The following DENND1C variants were observed in gnomAD, a reference collection of about 807,000 sequenced individuals.
DENND1C encodes the protein DENN domain containing 1C, also known as DENN domain-containing protein 1C.
Under a neutral mutation model 87.9 loss-of-function variants are expected in DENND1C, and 64 were observed. The observed-to-expected ratio is 0.73, with a 90% CI of 0.60 to 0.90. DENND1C has a LOEUF of 0.90. Ranked by LOEUF, DENND1C falls within the 40% of genes least tolerant of loss-of-function variation. The pLI is 0.00. For synonymous variants in DENND1C, 384 were observed against 424.4 expected, an observed-to-expected ratio of 0.90 and a Z score of 1.17; for missense variants, 980 against 1,037.0, an observed-to-expected ratio of 0.95 and a Z score of 0.76.
At chr19:6,479,378 T>C (rs554925562) in intron 4 of DENND1C, among the ~76,000 whole-genome samples, 10 of 136,810 alleles carry the variant, frequency 7.3e-5, no homozygotes, top group African/African-American at 3.2e-4. Context: ...GTCTCTGGGT[T>C]CCGAAGTCCC....
chr19:6,481,316 C>T (rs1457832089), intron 1 of DENND1C, among the ~76,000 whole-genome samples: 1 of 152,080 alleles, frequency 6.6e-6, no homozygotes, highest in East Asian at 1.9e-4. Context: ...CACACACGAT[C>T]ACCCACTCAT....
rs578176027 is a variant in DENND1C, at chr19:6,476,641, G to A, written c.678+216C>T. ...GCGGCCCATAGTGGGTGGAGCCTGA[G>A]CACAGTACTCCCAAAAAGGAGGAGC... On this transcript the variant is annotated intron_variant, in intron 10 of 22. Coordinates refer to ENST00000381480, the MANE Select transcript of DENND1C (RefSeq NM_024898.4). The A allele has an allele frequency of 1.3e-3, 740 of 564,854 alleles. 1 individual carries two copies. The highest frequency in any genetic ancestry group is 1.7e-3 in the Non-Finnish European group (556 of 319,476). 35.0% of individuals were successfully genotyped at this position (564,854 alleles called of 1,614,324 possible).
intron 18 of DENND1C, chr19:6,469,903 C>G (rs535995130): frequency 5.8e-6 from 3 of 515,382 alleles, no homozygotes; most frequent in Non-Finnish European, 1.0e-5. Flanking sequence ...TGTTTCAAAG[C>G]GGTGAAGAAC....
rs143124341 is a variant in DENND1C, at chr19:6,479,974, G to T, written c.82+13C>A. 13,756 of 1,604,634 alleles carry T rather than the reference G, an allele frequency of 8.6e-3. 60 individuals carry two copies. Among genetic ancestry groups the T allele is most frequent in the Non-Finnish European group, 0.01 (12,290 of 1,175,978 alleles). ...TCCCCTCCCACTCCCTCACTCCCAG[G>T]CTCCCAACTCACCCTCCTGCAGGGA... On this transcript the variant is annotated intron_variant, in intron 2 of 22. Transcript: ENST00000381480.
At chr19:6,479,120 C>T (rs1384815856) in intron 4 of DENND1C, 64 bp from the exon 5 acceptor site, 37 of 1,601,258 alleles carry the variant, frequency 2.3e-5, no homozygotes, top group Non-Finnish European at 1.8e-5. Context: ...GTCCCCGCTC[C>T]CCAACAAAGC....
chr19:6,471,308 G>T lies in DENND1C; in HGVS notation c.1250-3C>A. 6.3e-7 allele frequency: 1 copy of T among 1,597,832 alleles called. No homozygotes were observed. Among genetic ancestry groups the T allele is most frequent in the East Asian group, 2.3e-5 (1 of 44,214 alleles). ...GAGCTGATAGGATCGAAGGGCCCCT[G>T]GGGTAAGGAGAGAGTGTGGTGGTCA... On this transcript the variant is annotated splice_region_variant and splice_polypyrimidine_tract_variant and intron_variant, in intron 16 of 22. Coordinates refer to ENST00000381480, the MANE Select transcript of DENND1C (RefSeq NM_024898.4).
intron 1 of DENND1C, among the ~76,000 whole-genome samples, chr19:6,480,693 C>T (rs771798194): frequency 2.6e-5 from 4 of 151,928 alleles, no homozygotes; most frequent in Non-Finnish European, 4.4e-5. Context: ...GCAACCTCCA[C>T]CCCACAGGTT....
rs35687922 is a variant in DENND1C at position 6,470,620 on chromosome 19, G to GTTT, written c.1291-257_1291-255dup. Among the ~76,000 whole-genome samples the GTTT allele has an allele frequency of 6.7e-4, 77 of 114,782 alleles. 6 individuals carry two copies. The highest frequency in any genetic ancestry group is 1.2e-3 in the South Asian group (4 of 3,460). The allele number at this position is 114,782 out of a possible 152,430, so 75.3% of individuals were successfully genotyped here. A position where few individuals can be genotyped will look rare whatever the true frequency, so the allele number is the denominator to read the frequency against. ...GAGTCTCAAAGAACAGTTTTTTTTT[G>GTTT]TTTTTTTTTTTTTTTTGCTGAGATG... On this transcript the variant is annotated intron_variant, in intron 17 of 22. Coordinates refer to ENST00000381480, the MANE Select transcript of DENND1C (RefSeq NM_024898.4).
chr19:6,468,580 CG>C lies in DENND1C; in HGVS notation c.1580del (p.Ala527GlyfsTer6). ...CTGCTGTTCCCTTTTTGCCTTACCC[CG>C]CCCCTGGGGGCTCGGAAGTTCCCTC... ...LEEGTSEPPG[A>X]GTPPLSPEDE... On this transcript the variant is annotated frameshift_variant, in exon 21 of 23. Coordinates refer to ENST00000381480, the MANE Select transcript of DENND1C (RefSeq NM_024898.4). LOFTEE classifies it high-confidence loss of function. 6.5e-7 allele frequency: 1 copy of C among 1,537,390 alleles called. No individual in the cohort carries two copies. Among genetic ancestry groups the C allele is most frequent in the Non-Finnish European group, 8.7e-7 (1 of 1,143,224 alleles).
rs764208413 is a variant in DENND1C at position 6,478,922 on chromosome 19, C to G, written c.296+15G>C. The G allele has an allele frequency of 5.6e-6, 9 of 1,613,838 alleles. No homozygotes were observed. The South Asian group carries it at 9.9e-5, about 18-fold the overall frequency. On this transcript the variant is annotated intron_variant, in intron 5 of 22. Transcript: ENST00000381480. ...GGCCTTTCCCATCCCCCCCTCCAACCCCCATATCCCGCACCTGAGGATGCA... is the reference window on the plus strand; with the variant it reads ...GGCCTTTCCCATCCCCCCCTCCAACGCCCATATCCCGCACCTGAGGATGCA...
rs776441682 is a variant in DENND1C, at chr19:6,475,693, G to C, written c.825+13C>G. 6.2e-7 allele frequency: 1 copy of C among 1,601,716 alleles called. No individual in the cohort carries two copies. The highest frequency in any genetic ancestry group is 1.1e-5 in the South Asian group (1 of 89,874). On this transcript the variant is annotated intron_variant, in intron 12 of 22. Coordinates refer to ENST00000381480, the MANE Select transcript of DENND1C (RefSeq NM_024898.4). ...CCCTCACGTCCCCGTCGTCTGGGTA[G>C]ATCCACGCTCACCTCGGCGAGACTG...
At position 6,475,714 on chromosome 19, in the gene DENND1C, G is replaced by A. The variant is rs373936103; in HGVS notation, c.817C>T (p.Leu273Phe). Residue 273 changes from leucine to phenylalanine, a missense_variant, in exon 12 of 23, where the codon CTC becomes TTC. By Grantham distance (22) the Leu-to-Phe change is conservative. Transcript: ENST00000381480. ...MPYLIGVHAS[L>F]AERVREKALE... ...GGTAGATCCACGCTCACCTCGGCGA[G>A]ACTGGCGTGCACTCCAATGAGGTAG... 2.5e-6 allele frequency: 4 copies of A among 1,587,030 alleles called. No homozygotes were observed. Among genetic ancestry groups the A allele is most frequent in the Non-Finnish European group, 3.4e-6 (4 of 1,166,080 alleles).
intron 6 of DENND1C, among the ~76,000 whole-genome samples, chr19:6,478,299 A>C (rs1038437824): frequency 3.3e-5 from 5 of 152,058 alleles, no homozygotes; most frequent in African/African-American, 7.2e-5. Flanking sequence ...GCTGGAGTGC[A>C]ATGGCGCGAT....
chr19:6,471,080 C>T (rs901430868), intron 17 of DENND1C, among the ~76,000 whole-genome samples, 185 bp downstream of exon 17: 9 of 151,996 alleles, frequency 5.9e-5, no homozygotes, highest in Non-Finnish European at 1.3e-4. Context: ...CTTAGCCTCC[C>T]GAGTAGCTGG....
chr19:6,468,897 G>T lies in DENND1C; in HGVS notation c.1464C>A (p.Ser488Arg). ...GGCGTTGCTGCAGGCGGTCTGAGCG[G>T]CTGGGGAGGGCTGGGGCCCTCAGAG... Reference protein sequence around the residue: ...GGSLRAPALPSRSDRLQQRLP... With the variant: ...GGSLRAPALPRRSDRLQQRLP... The change falls in exon 20 of 23, where the codon AGC becomes AGA. Residue 488 changes from serine to arginine, a missense_variant. Physicochemically the swap from Ser to Arg is moderately radical, Grantham distance 110. Transcript: ENST00000381480. The T allele has an allele frequency of 6.7e-7, 1 of 1,488,026 alleles. No homozygotes were observed. The highest frequency in any genetic ancestry group is 1.8e-4 in the Middle Eastern group (1 of 5,554). 92.2% of individuals were successfully genotyped at this position (1,488,026 alleles called of 1,614,324 possible).
Position 6,479,892 on chromosome 19 carries a change from G to A in DENND1C, c.93C>T (p.Ile31=), listed in dbSNP as rs1568402269. The change falls in exon 3 of 23, where the codon ATC becomes ATT. Residue 31 remains isoleucine, a synonymous_variant. Coordinates refer to ENST00000381480, the MANE Select transcript of DENND1C (RefSeq NM_024898.4). ...TGAAGTCTGGAGGGAACTGCCGCAG[G>A]ATGGGGGGATCTGTAGAAGAGAGCA... ...CPASLQEDPP[I]LRQFPPDFRD... 6.9e-6 allele frequency: 11 copies of A among 1,605,682 alleles called. No homozygotes were observed. Among genetic ancestry groups the A allele is most frequent in the Non-Finnish European group, 7.7e-6 (9 of 1,176,224 alleles).
intron 14 of DENND1C, among the ~76,000 whole-genome samples, chr19:6,473,215 C>T (rs530259591): frequency 4.6e-4 from 70 of 152,164 alleles, no homozygotes; most frequent in African/African-American, 1.4e-3. Context: ...AATGCAGTGG[C>T]GTGATCTCAG....
intron 18 of DENND1C, 109 bp downstream of exon 18, chr19:6,470,186 T>A: frequency 9.2e-7 from 1 of 1,087,250 alleles, no homozygotes; most frequent in South Asian, 1.4e-5. Flanking sequence ...TCATTTGTGT[T>A]TAAAGTGTCT....
chr19:6,471,796 C>T (rs2092830996), intron 15 of DENND1C, among the ~76,000 whole-genome samples: 1 of 152,190 alleles, frequency 6.6e-6, no homozygotes, highest in African/African-American at 2.4e-5. Flanking sequence ...GCATGCACCA[C>T]CATGCCCAGC....
Sources: allele counts gnomAD v4.1 joint callset (sites outside exome capture counted in the v4.1 genomes callset), GRCh38; gene constraint gnomAD v4.1.1; transcripts MANE v1.5; gene names NCBI Gene and HGNC (gene_info 2026-07-23, HGNC 2026-07-21).